KCND2: variants seen among roughly 807,000 people sequenced by gnomAD.
The protein encoded by KCND2 is A-type voltage-gated potassium channel KCND2.
In KCND2, 16 loss-of-function variants were observed where a neutral mutation model predicts 54.4. The ratio of observed to expected loss-of-function variants is 0.29; its 90% CI spans 0.20 to 0.45. The LOEUF (loss-of-function observed/expected upper bound fraction) is 0.45, where lower values mean the gene tolerates loss of function less well. KCND2 is among the 20% of genes least tolerant of loss of function. KCND2 has a pLI of 1.00. For synonymous variants in KCND2, 317 were observed against 310.7 expected (o/e 1.02, Z -0.21); for missense variants, 486 against 824.2 (o/e 0.59, Z 5.02).
In KCND2 at chr7:120,275,574, G is replaced by T; in HGVS notation, c.942G>T (p.Gly314=). The change falls in exon 1 of 6, where the codon GGG becomes GGT. Residue 314 remains glycine, a synonymous_variant. Transcript: ENST00000331113. Reference sequence around the variant, plus strand: ...ACTCTCAAGGCCTGCGCATCCTGGGGTACACACTGAAGAGTTGTGCCTCAG... The same window carrying T: ...ACTCTCAAGGCCTGCGCATCCTGGGTTACACACTGAAGAGTTGTGCCTCAG... ...SRHSQGLRIL[G]YTLKSCASEL... is the part of the protein sequence containing the mutation. The T allele has an allele frequency of 6.2e-7, 1 of 1,613,670 alleles. No individual in the cohort carries two copies. Among genetic ancestry groups the T allele is most frequent in the Middle Eastern group, 1.7e-4 (1 of 6,060 alleles).
chr7:120,390,219 T>A (rs1457881751), intron 1 of KCND2, among the ~76,000 whole-genome samples: 2 of 151,910 alleles, frequency 1.3e-5, no homozygotes, highest in African/African-American at 4.8e-5. Context: ...ATAAAATTTT[T>A]ACTACCTGGT....
intron 1 of KCND2, among the ~76,000 whole-genome samples, chr7:120,330,541 ACT>A (rs1800050727): frequency 1.6e-5 from 2 of 127,860 alleles, no homozygotes; most frequent in Non-Finnish European, 3.2e-5. Flanking sequence ...AGATTGTGCC[ACT>A]GCACTCCAGC....
At chr7:120,664,695 A>G (rs1325713214) in intron 1 of KCND2, among the ~76,000 whole-genome samples, 2 of 152,090 alleles carry the variant, frequency 1.3e-5, no homozygotes, top group Admixed American at 6.6e-5. Context: ...TGTTGGCGAG[A>G]AAACAGAATT....
At chr7:120,338,905 A>G (rs1800192850) in intron 1 of KCND2, among the ~76,000 whole-genome samples, 2 of 151,726 alleles carry the variant, frequency 1.3e-5, no homozygotes, top group Admixed American at 1.3e-4. Context: ...TTTGAGACAG[A>G]GTCTCACTCT....
intron 1 of KCND2, among the ~76,000 whole-genome samples, chr7:120,443,355 T>A (rs1041623242): frequency 6.3e-5 from 5 of 79,652 alleles, no homozygotes; most frequent in Non-Finnish European, 1.1e-4. Flanking sequence ...CAATAATAAA[T>A]AATAATAATA....
intron 1 of KCND2, among the ~76,000 whole-genome samples, chr7:120,587,396 T>G (rs1049291304): frequency 6.6e-6 from 1 of 152,178 alleles, no homozygotes; most frequent in Admixed American, 6.5e-5. Flanking sequence ...TCTTGAAAGG[T>G]GTCATAACTT....
chr7:120,503,904 C>T (rs1357814448), intron 1 of KCND2, among the ~76,000 whole-genome samples: 1 of 151,938 alleles, frequency 6.6e-6, no homozygotes, highest in Non-Finnish European at 1.5e-5. Context: ...TCATTAGCTT[C>T]ACCGCAAATC....
intron 1 of KCND2, among the ~76,000 whole-genome samples, chr7:120,608,366 A>G (rs1171376665): frequency 6.6e-6 from 1 of 152,140 alleles, no homozygotes; most frequent in African/African-American, 2.4e-5. Flanking sequence ...GGAAATAGGA[A>G]TATAGACAAA....
At chr7:120,366,560 G>T (rs943435533) in intron 1 of KCND2, among the ~76,000 whole-genome samples, 1 of 149,052 alleles carries the variant, frequency 6.7e-6, no homozygotes, top group Non-Finnish European at 1.5e-5. Context: ...GAAAAGAAAA[G>T]AAAAAAGAAA....
At chr7:120,514,848 G>T (rs969289386) in intron 1 of KCND2, among the ~76,000 whole-genome samples, 3 of 151,924 alleles carry the variant, frequency 2.0e-5, no homozygotes, top group African/African-American at 7.3e-5. Flanking sequence ...AATCTAATGT[G>T]GCCTGGTTCC....
chr7:120,745,323 T>G (rs537547651), intron 4 of KCND2, among the ~76,000 whole-genome samples: 8 of 152,292 alleles, frequency 5.3e-5, no homozygotes, highest in African/African-American at 1.7e-4. Context: ...GTGAAAAGAT[T>G]TGCTAATATA....
chr7:120,430,551 T>C lies in KCND2; in HGVS notation c.1115+154804T>C, dbSNP rs555729267. On this transcript the variant is annotated intron_variant, in intron 1 of 5. Coordinates refer to ENST00000331113, the MANE Select transcript of KCND2 (RefSeq NM_012281.3). ...CCTGAACTGACAGAGCAAGACCCTA[T>C]CTTAAAAAAAAAAAATCTGATTATA... is the stretch of plus-strand genomic sequence containing the variant. Among the ~76,000 whole-genome samples the C allele has an allele frequency of 3.3e-5, 5 of 151,130 alleles. No individual in the cohort carries two copies. In the East Asian group the frequency reaches 7.7e-4, roughly 23 times the overall value.
At chr7:120,579,590 G>T (rs1254073214) in intron 1 of KCND2, among the ~76,000 whole-genome samples, 1 of 146,448 alleles carries the variant, frequency 6.8e-6, no homozygotes, top group African/African-American at 2.5e-5. Context: ...GACGGGGCGA[G>T]ACTCTGTCTA....
At chr7:120,560,499 T>C (rs553846986) in intron 1 of KCND2, among the ~76,000 whole-genome samples, 2 of 152,340 alleles carry the variant, frequency 1.3e-5, no homozygotes, top group South Asian at 2.1e-4. Context: ...TATGGAGCCC[T>C]TCTTGGGCTC....
At chr7:120,367,371 A>G (rs1800701295) in intron 1 of KCND2, among the ~76,000 whole-genome samples, 1 of 152,116 alleles carries the variant, frequency 6.6e-6, no homozygotes, top group Admixed American at 6.6e-5. Context: ...CTTTAAAAAA[A>G]GACAAAAAGG....
At chr7:120,486,250 T>C (rs1802691422) in intron 1 of KCND2, among the ~76,000 whole-genome samples, 1 of 152,026 alleles carries the variant, frequency 6.6e-6, no homozygotes, top group Non-Finnish European at 1.5e-5. Flanking sequence ...GATGGAAAAT[T>C]ATGTATGAGA....
intron 1 of KCND2, among the ~76,000 whole-genome samples, chr7:120,498,966 T>C (rs902701274): frequency 1.3e-5 from 2 of 152,250 alleles, no homozygotes; most frequent in Admixed American, 6.5e-5. Flanking sequence ...CTTGAAGATA[T>C]AAGTAAAATA....
At chr7:120,525,866 T>G (rs1791765627) in intron 1 of KCND2, among the ~76,000 whole-genome samples, 1 of 152,110 alleles carries the variant, frequency 6.6e-6, no homozygotes, top group South Asian at 2.1e-4. Context: ...CTGTCCAAAT[T>G]CTCCTTTAGA....
chr7:120,569,617 A>G (rs1329193371), intron 1 of KCND2, among the ~76,000 whole-genome samples: 1 of 152,188 alleles, frequency 6.6e-6, no homozygotes, highest in Non-Finnish European at 1.5e-5. Context: ...TGGATCAATA[A>G]ATACAAAATA....
Sources: gnomAD v4.1 joint callset for allele counts (sites outside exome capture counted in the v4.1 genomes callset) on GRCh38, gnomAD v4.1.1 for gene constraint, MANE v1.5 for transcripts, NCBI Gene and HGNC (gene_info 2026-07-23, HGNC 2026-07-21) for gene names.